The following VANGL1 variants were observed in gnomAD, a reference collection of about 807,000 sequenced individuals.
VANGL1 encodes the protein VANGL planar cell polarity protein 1, also known as vang-like protein 1.
Under a neutral mutation model 48.4 loss-of-function variants are expected in VANGL1, and 18 were observed. The ratio of observed to expected loss-of-function variants is 0.37; its 90% CI spans 0.26 to 0.55. The LOEUF (loss-of-function observed/expected upper bound fraction) is 0.55. VANGL1 is among the 20% of genes least tolerant of loss of function. VANGL1 has a pLI of 0.81. For missense variants in VANGL1, 667 were observed against 675.8 expected (o/e 0.99, Z 0.14); for synonymous variants, 257 against 261.8 (o/e 0.98, Z 0.18).
chr1:115,683,039 A>G (rs557421492), intron 5 of VANGL1, among the ~76,000 whole-genome samples: 85 of 152,254 alleles, frequency 5.6e-4, no homozygotes, highest in African/African-American at 2.0e-3. Flanking sequence ...CTTCCTGGGT[A>G]TGTTGGGTGA....
intron 4 of VANGL1, among the ~76,000 whole-genome samples, chr1:115,665,792 T>A (rs1234162566): frequency 6.6e-6 from 1 of 152,224 alleles, no homozygotes; most frequent in African/African-American, 2.4e-5. Context: ...AGGCTTTCTT[T>A]TCCCATGTTT....
intron 4 of VANGL1, among the ~76,000 whole-genome samples, chr1:115,676,222 T>C (rs1158067484): frequency 6.6e-6 from 1 of 152,226 alleles, no homozygotes; most frequent in East Asian, 1.9e-4. Context: ...AGCAGGAATC[T>C]AGACCTTCTG....
At chr1:115,675,701 G>T (rs999901178) in intron 4 of VANGL1, among the ~76,000 whole-genome samples, 1 of 152,270 alleles carries the variant, frequency 6.6e-6, no homozygotes, top group East Asian at 1.9e-4. Flanking sequence ...TGAGGCAGGA[G>T]AATTGCTCGG....
chr1:115,692,198 C>A lies in VANGL1; in HGVS notation c.*819C>A, dbSNP rs1360903290. ...TTTCCATAGGGAAGTGTGGGGTGCC[C>A]AGCAGGTAAAGCACAGGGAGAGAGG... On this transcript the variant is annotated 3_prime_UTR_variant, in exon 8 of 8. Coordinates refer to ENST00000355485, the MANE Select transcript of VANGL1 (RefSeq NM_138959.3). The A allele has an allele frequency of 6.5e-6, 1 of 152,702 alleles. No individual in the cohort carries two copies. Among genetic ancestry groups the A allele is most frequent in the Non-Finnish European group, 1.5e-5 (1 of 68,314 alleles). 9.5% of individuals were successfully genotyped at this position (152,702 alleles called of 1,614,324 possible).
rs529579077 is a variant in VANGL1 at position 115,693,822 on chromosome 1, T to G, written c.*2443T>G. ...TGAACACAATGCATTTTTATTTCAA[T>G]TCTTGGAACTGGTAGGCTATTCTTT... is the stretch of plus-strand genomic sequence containing the variant. On this transcript the variant is annotated 3_prime_UTR_variant, in exon 8 of 8. Transcript: ENST00000355485. 6.6e-6 allele frequency: 1 copy of G among 152,368 alleles called. No homozygotes were observed. Among genetic ancestry groups the G allele is most frequent in the South Asian group, 2.1e-4 (1 of 4,828 alleles). 9.4% of individuals were successfully genotyped at this position (152,368 alleles called of 1,614,324 possible).
chr1:115,679,106 ATCC>A (rs1653278020), intron 4 of VANGL1, among the ~76,000 whole-genome samples: 1 of 152,146 alleles, frequency 6.6e-6, no homozygotes, highest in African/African-American at 2.4e-5. Flanking sequence ...CAAACAGACC[ATCC>A]TCTGTAGGTG....
At chr1:115,647,123 G>A (rs1431430920) in intron 1 of VANGL1, among the ~76,000 whole-genome samples, 3 of 152,246 alleles carry the variant, frequency 2.0e-5, no homozygotes, top group Admixed American at 1.3e-4. Context: ...AAACAGGGAA[G>A]TGACGTCTGC....
At chr1:115,681,546 G>T (rs186234227) in intron 4 of VANGL1, among the ~76,000 whole-genome samples, 115 of 117,648 alleles carry the variant, frequency 9.8e-4, no homozygotes, top group African/African-American at 3.7e-3. Context: ...CACTCTTGTT[G>T]CCCAGGCTGG....
Position 115,663,705 on chromosome 1 carries a change from G to A in VANGL1, c.249G>A (p.Ser83=), listed in dbSNP as rs146495414. The A allele has an allele frequency of 1.9e-4, 299 of 1,614,138 alleles. No individual in the cohort carries two copies. Among genetic ancestry groups the A allele is most frequent in the African/African-American group, 8.8e-4 (66 of 75,022 alleles). The change falls in exon 4 of 8, where the codon TCG becomes TCA. Residue 83 remains serine (S), a synonymous_variant. Transcript: ENST00000355485. ...CCACCACGGCCATCACAGGCACCTC[G>A]GAGCACAGCATATCCCAAGAGGACA... ...GETTTAITGT[S]EHSISQEDIA...
At chr1:115,684,128 T>TTTA in intron 6 of VANGL1, 52 bp downstream of exon 6, 1 of 1,386,432 alleles carries the variant, frequency 7.2e-7, no homozygotes, top group South Asian at 1.4e-5. Flanking sequence ...TAAATTTTTA[T>TTTA]TTTATTTATT....
chr1:115,662,951 T>C (rs1652621024), intron 3 of VANGL1, among the ~76,000 whole-genome samples: 1 of 152,136 alleles, frequency 6.6e-6, no homozygotes, highest in Non-Finnish European at 1.5e-5. Context: ...CACGCCTTGC[T>C]AATTTTTGTA....
Position 115,656,520 on chromosome 1 carries a change from GT to G in VANGL1, c.72-3116del, listed in dbSNP as rs2101319720. Among the ~76,000 whole-genome samples, 3 of 152,334 alleles carry G rather than the reference GT, an allele frequency of 2.0e-5. No individual in the cohort carries two copies. The South Asian group carries it at 6.2e-4, about 32-fold the overall frequency. On this transcript the variant is annotated intron_variant, in intron 2 of 7. Coordinates refer to ENST00000355485, the MANE Select transcript of VANGL1 (RefSeq NM_138959.3). ...TGCACTTGAGTCCATACCTAGGATA[GT>G]TTTTCTGTGCAGTTTTTTAAGTTTA...
intron 1 of VANGL1, among the ~76,000 whole-genome samples, chr1:115,649,058 G>A (rs1652040296): frequency 2.6e-5 from 4 of 152,118 alleles, no homozygotes; most frequent in African/African-American, 4.8e-5. Context: ...TAATGTTGAC[G>A]TCTGCCTGTT....
At position 115,676,612 on chromosome 1, in the gene VANGL1, G is replaced by A. The variant is rs967133399; in HGVS notation, c.813-5752G>A. ...CTCTTTAGGAAGCAGGAAAGTGGTG[G>A]GTGAACTCCCAAGTCTCCAGTATTT... On this transcript the variant is annotated intron_variant, in intron 4 of 7. Transcript: ENST00000355485. 3.3e-5 allele frequency among the ~76,000 whole-genome samples: 5 copies of A among 152,178 alleles called. No individual in the cohort carries two copies. The South Asian group carries it at 1.0e-3, about 32-fold the overall frequency.
intron 4 of VANGL1, among the ~76,000 whole-genome samples, chr1:115,669,498 G>A (rs956853971): frequency 1.9e-4 from 29 of 152,174 alleles, no homozygotes; most frequent in African/African-American, 6.8e-4. Context: ...TTGTGGGAGG[G>A]ACCCAGTGGG....
In VANGL1 at chr1:115,691,173, C is replaced by T. The variant is rs746983854; in HGVS notation, c.1369C>T (p.Arg457Cys). The T allele has an allele frequency of 8.7e-6, 14 of 1,613,952 alleles. No homozygotes were observed. The highest frequency in any genetic ancestry group is 2.2e-5 in the East Asian group (1 of 44,858). ...AGPTLQYDKD[R>C]WLSTQWRLVS... ...CCCCACCCTGCAATATGACAAGGAC[C>T]GCTGGCTCTCTACACAGTGGAGGCT... is the stretch of plus-strand genomic sequence containing the variant. The change falls in exon 8 of 8, where the codon CGC (arginine) becomes TGC (cysteine). Residue 457 changes from arginine to cysteine, a missense_variant. Arg to Cys is a radical substitution (Grantham distance 180). Coordinates refer to ENST00000355485, the MANE Select transcript of VANGL1 (RefSeq NM_138959.3).
intron 4 of VANGL1, among the ~76,000 whole-genome samples, chr1:115,681,221 A>C (rs1258183722): frequency 6.6e-6 from 1 of 152,176 alleles, no homozygotes; most frequent in Non-Finnish European, 1.5e-5. Flanking sequence ...CAAAGTGGCA[A>C]GTGTTCTGCA....
chr1:115,649,216 G>C lies in VANGL1; in HGVS notation c.-137-2061G>C, dbSNP rs184054728. Among the ~76,000 whole-genome samples, 14 of 152,290 alleles carry C rather than the reference G, an allele frequency of 9.2e-5. No individual in the cohort carries two copies. In the East Asian group the frequency reaches 2.5e-3, roughly 27 times the overall value. On this transcript the variant is annotated intron_variant, in intron 1 of 7. Transcript: ENST00000355485. ...GCCCTTGAAGTCTTCTAGGAAAGTA[G>C]GGTAAGTCCAGGAGCAAAACTTAGC... is the stretch of plus-strand genomic sequence containing the variant.
At position 115,691,281 on chromosome 1, in the gene VANGL1, A is replaced by T. The variant is rs1653822895; in HGVS notation, c.1477A>T (p.Asn493Tyr). The change falls in exon 8 of 8, where the codon AAT becomes TAT. Residue 493 changes from asparagine to tyrosine, a missense_variant. Transcript: ENST00000355485. ...GTGCTTGGACTTCAGCCTCGTAGTC[A>T]ATGTGAAGAAAATTCCATTCATCAT... ...LKCLDFSLVV[N>Y]VKKIPFIILS... 6.2e-7 allele frequency: 1 copy of T among 1,614,206 alleles called. No individual in the cohort carries two copies. The highest frequency in any genetic ancestry group is 2.2e-5 in the East Asian group (1 of 44,876).
Sources: gnomAD v4.1 joint callset for allele counts (sites outside exome capture counted in the v4.1 genomes callset) on GRCh38, gnomAD v4.1.1 for gene constraint, MANE v1.5 for transcripts, NCBI Gene and HGNC (gene_info 2026-07-23, HGNC 2026-07-21) for gene names.